The following SND1 variants were observed in gnomAD, a reference collection of about 807,000 sequenced individuals.
SND1 encodes staphylococcal nuclease domain-containing protein 1.
SND1 carries 38 observed loss-of-function variants against 121.7 expected under a neutral mutation model. That is an observed-to-expected ratio of 0.31 (90% CI 0.24 to 0.41). The LOEUF is 0.41. SND1 is among the 10% of genes least tolerant of loss of function. The probability of loss-of-function intolerance (pLI) is 1.00; values close to 1 mark genes in which losing one functional copy is unlikely to be tolerated. For missense variants in SND1, 868 were observed against 1,184.6 expected (o/e 0.73, Z 3.92); for synonymous variants, 401 against 447.4 (o/e 0.90, Z 1.31).
intron 11 of SND1, among the ~76,000 whole-genome samples, chr7:127,825,693 A>T (rs2116613916): frequency 6.6e-6 from 1 of 152,090 alleles, no homozygotes; most frequent in East Asian, 1.9e-4. Flanking sequence ...GGCGTGAGCC[A>T]CCGCACCTGG....
chr7:128,049,062 A>G lies in SND1; in HGVS notation c.1780-25440A>G, dbSNP rs549077233. 7.9e-5 allele frequency among the ~76,000 whole-genome samples: 12 copies of G among 152,254 alleles called. No homozygotes were observed. In the South Asian group the frequency reaches 2.3e-3, roughly 29 times the overall value. ...GCCCCACAGTCATCTCAAGGTAGAA[A>G]TGGGGCCAGAACCTTTCCCCTTCAA... On this transcript the variant is annotated intron_variant, in intron 16 of 23. Transcript: ENST00000354725.
At chr7:127,784,540 T>C (rs1375475409) in intron 10 of SND1, among the ~76,000 whole-genome samples, 2 of 152,214 alleles carry the variant, frequency 1.3e-5, no homozygotes, top group Non-Finnish European at 2.9e-5. Flanking sequence ...ATGGAAAAGG[T>C]ATAATTTCAG....
chr7:128,078,309 G>C (rs1793541436), intron 17 of SND1, among the ~76,000 whole-genome samples: 1 of 152,248 alleles, frequency 6.6e-6, no homozygotes, highest in Admixed American at 6.5e-5. Context: ...GAACCGTCAT[G>C]GCTGCACTGC....
chr7:127,928,871 G>A (rs769365743), intron 14 of SND1, among the ~76,000 whole-genome samples: 14 of 152,198 alleles, frequency 9.2e-5, no homozygotes, highest in Non-Finnish European at 1.6e-4. Flanking sequence ...GATTGCAGGC[G>A]TGAGCCACTG....
intron 16 of SND1, among the ~76,000 whole-genome samples, chr7:128,051,920 A>T (rs185992157): frequency 2.0e-5 from 3 of 152,170 alleles, no homozygotes; most frequent in Admixed American, 6.5e-5. Flanking sequence ...ACTGGTAAAT[A>T]AAAAAAATGG....
chr7:127,743,827 A>T (rs1237532492), intron 10 of SND1, among the ~76,000 whole-genome samples: 2 of 152,184 alleles, frequency 1.3e-5, no homozygotes, highest in African/African-American at 4.8e-5. Context: ...TGTAATTCTG[A>T]GTATTTTTCC....
chr7:127,673,346 C>T (rs806165), intron 1 of SND1, among the ~76,000 whole-genome samples: 1 of 151,978 alleles, frequency 6.6e-6, no homozygotes, highest in African/African-American at 2.4e-5. Flanking sequence ...GAGTCTCGCT[C>T]TGTCGCCCAG....
intron 14 of SND1, among the ~76,000 whole-genome samples, chr7:127,908,582 AGT>A (rs1800394931): frequency 6.6e-6 from 1 of 152,060 alleles, no homozygotes; most frequent in African/African-American, 2.4e-5. Context: ...GGTGTTCCAG[AGT>A]GTGTAGAACC....
chr7:127,652,935 CCT>C (rs1562968140), intron 1 of SND1, among the ~76,000 whole-genome samples: 1 of 152,076 alleles, frequency 6.6e-6, no homozygotes, highest in Non-Finnish European at 1.5e-5. Flanking sequence ...GCCCTCTTTT[CCT>C]CTCTTTCCCT....
At chr7:128,063,440 G>A (rs1030424804) in intron 16 of SND1, among the ~76,000 whole-genome samples, 3 of 152,166 alleles carry the variant, frequency 2.0e-5, no homozygotes, top group South Asian at 4.1e-4. Flanking sequence ...CATGCTTGTC[G>A]TGGCAGGGGC....
At chr7:128,030,884 C>T (rs1376114168) in intron 16 of SND1, 2 of 425,664 alleles carry the variant, frequency 4.7e-6, no homozygotes, top group African/African-American at 2.0e-5. Context: ...CACACTGCAA[C>T]CGTCCCCACC....
At chr7:127,883,923 G>A (rs1004601203) in intron 12 of SND1, among the ~76,000 whole-genome samples, 3 of 152,056 alleles carry the variant, frequency 2.0e-5, no homozygotes, top group Admixed American at 6.6e-5. Context: ...GATTTGAGTC[G>A]TGTCTACCAG....
intron 16 of SND1, among the ~76,000 whole-genome samples, chr7:127,995,053 A>T (rs1430119448): frequency 6.6e-6 from 1 of 152,174 alleles, no homozygotes; most frequent in South Asian, 2.1e-4. Context: ...TGTATTGTCT[A>T]TAACTGCTTT....
chr7:127,778,280 C>T (rs1274008402), intron 10 of SND1, among the ~76,000 whole-genome samples: 3 of 151,294 alleles, frequency 2.0e-5, no homozygotes, highest in Non-Finnish European at 4.4e-5. Flanking sequence ...CTGCAACCTC[C>T]ACCTCCCGGG....
intron 9 of SND1, among the ~76,000 whole-genome samples, chr7:127,719,307 T>C (rs1215477586): frequency 6.6e-6 from 1 of 152,202 alleles, no homozygotes; most frequent in African/African-American, 2.4e-5. Context: ...GTTTAGATGG[T>C]AATGGGAATA....
chr7:128,019,455 T>G (rs558036472), intron 16 of SND1, among the ~76,000 whole-genome samples: 95 of 152,054 alleles, frequency 6.2e-4, no homozygotes, highest in African/African-American at 2.2e-3. Context: ...ATCATTAGAG[T>G]CAGGCCATTA....
At chr7:127,735,491 T>C (rs1375539786) in intron 10 of SND1, among the ~76,000 whole-genome samples, 1 of 152,118 alleles carries the variant, frequency 6.6e-6, no homozygotes, top group Non-Finnish European at 1.5e-5. Flanking sequence ...GAGAGGAGGA[T>C]TGCTTCAGGC....
At chr7:127,998,141 A>T in intron 16 of SND1, 1 of 381,158 alleles carries the variant, frequency 2.6e-6, no homozygotes, top group Non-Finnish European at 5.3e-6. Context: ...ATTCCTTGTG[A>T]CCTAATTCTA....
chr7:127,708,962 G>T (rs992180682), intron 9 of SND1, among the ~76,000 whole-genome samples: 1 of 152,194 alleles, frequency 6.6e-6, no homozygotes, highest in African/African-American at 2.4e-5. Context: ...CAACCTCTGA[G>T]GAACTGGCTA....
Sources: allele counts gnomAD v4.1 joint callset (sites outside exome capture counted in the v4.1 genomes callset), GRCh38; gene constraint gnomAD v4.1.1; transcripts MANE v1.5; gene names NCBI Gene and HGNC (gene_info 2026-07-23, HGNC 2026-07-21).